SHISA9: variants seen among roughly 807,000 people sequenced by gnomAD.
SHISA9 encodes protein shisa-9.
SHISA9 carries 13 observed loss-of-function variants against 38.0 expected under a neutral mutation model. The observed-to-expected ratio is 0.34, with a 90% confidence interval of 0.22 to 0.54. The LOEUF is 0.54. Ranked by LOEUF, SHISA9 falls within the 20% of genes least tolerant of loss-of-function variation. SHISA9 has a pLI of 0.91. For synonymous variants in SHISA9, 275 were observed against 242.0 expected (o/e 1.14, Z -1.27); for missense variants, 538 against 575.8 (o/e 0.93, Z 0.67).
intron 2 of SHISA9, among the ~76,000 whole-genome samples, chr16:13,049,798 T>A (rs2073229877): frequency 6.6e-6 from 1 of 152,018 alleles, no homozygotes; most frequent in African/African-American, 2.4e-5. Context: ...TGCTTCCAGA[T>A]GATTCTCACC....
the SHISA9 span, among the ~76,000 whole-genome samples, chr16:13,263,124 T>G: frequency 5.3e-5 from 8 of 152,178 alleles, no homozygotes; most frequent in Admixed American, 3.3e-4. Flanking sequence ...TCCACCTCAC[T>G]CAGACCATCC....
the SHISA9 span, among the ~76,000 whole-genome samples, chr16:13,554,760 A>G: frequency 6.6e-6 from 1 of 152,180 alleles, no homozygotes; most frequent in Admixed American, 6.5e-5. Flanking sequence ...CCAAAGAGCC[A>G]CCGTGCCCAG....
chr16:13,356,930 G>A, the SHISA9 span, among the ~76,000 whole-genome samples: 3 of 152,172 alleles, frequency 2.0e-5, no homozygotes, highest in Non-Finnish European at 4.4e-5. Flanking sequence ...AAACGGCATT[G>A]CAGAAGAAAA....
At chr16:13,410,338 C>T in the SHISA9 span, among the ~76,000 whole-genome samples, 3 of 152,304 alleles carry the variant, frequency 2.0e-5, no homozygotes, top group African/African-American at 7.2e-5. Context: ...TTTAAATTTA[C>T]AGGCATCTTT....
chr16:13,461,521 G>A, the SHISA9 span, among the ~76,000 whole-genome samples: 5 of 151,148 alleles, frequency 3.3e-5, 1 homozygote, highest in South Asian at 1.0e-3. Context: ...AGAAGTTGTA[G>A]CGAGCCGAGA....
chr16:13,520,423 C>A, the SHISA9 span, among the ~76,000 whole-genome samples: 10 of 151,586 alleles, frequency 6.6e-5, no homozygotes, highest in Admixed American at 6.6e-5. Flanking sequence ...CATGGTGAAA[C>A]CCCATCTCTA....
rs545495549 is a variant in SHISA9, at chr16:13,235,546, A to T, written c.*137A>T. 9.1e-7 allele frequency: 1 copy of T among 1,102,028 alleles called. No individual in the cohort carries two copies. The highest frequency in any genetic ancestry group is 1.6e-5 in the African/African-American group (1 of 63,376). The allele number at this position is 1,102,028 out of a possible 1,614,324, so 68.3% of individuals were successfully genotyped here. A position where few individuals can be genotyped will look rare whatever the true frequency, so the allele number is the denominator to read the frequency against. Reference sequence around the variant, plus strand: ...CTCAACAAGAACCAACTCTAAACCTACTGGGGACACAGAGTCGCGCTTTTC... The same window carrying T: ...CTCAACAAGAACCAACTCTAAACCTTCTGGGGACACAGAGTCGCGCTTTTC... On this transcript the variant is annotated 3_prime_UTR_variant, in exon 5 of 5. Transcript: ENST00000558583.
intron 2 of SHISA9, among the ~76,000 whole-genome samples, chr16:13,009,741 G>T (rs555224190): frequency 3.0e-4 from 45 of 152,328 alleles, no homozygotes; most frequent in Admixed American, 2.4e-3. Context: ...GGGCCAAGCA[G>T]CCAAGGGGAA....
intron 2 of SHISA9, among the ~76,000 whole-genome samples, chr16:13,047,082 C>G (rs1191351545): frequency 6.6e-6 from 1 of 152,168 alleles, no homozygotes; most frequent in East Asian, 1.9e-4. Context: ...TAGCAATTTT[C>G]TAGAATGATA....
the SHISA9 span, among the ~76,000 whole-genome samples, chr16:13,377,954 AC>A: frequency 7.2e-5 from 11 of 152,248 alleles, no homozygotes; most frequent in East Asian, 1.7e-3. Context: ...AATCGCTTGA[AC>A]CTGGAAGGCG....
the SHISA9 span, among the ~76,000 whole-genome samples, chr16:13,347,926 G>A: frequency 6.6e-6 from 1 of 152,114 alleles, no homozygotes; most frequent in Non-Finnish European, 1.5e-5. Context: ...GATTGCAGAT[G>A]GAATTAAGAT....
chr16:13,255,813 A>G, the SHISA9 span, among the ~76,000 whole-genome samples: 6 of 152,236 alleles, frequency 3.9e-5, no homozygotes, highest in African/African-American at 1.4e-4. Context: ...ACTCCAGTCT[A>G]TGGGGAAGAG....
chr16:13,017,724 T>C (rs1555455002), intron 2 of SHISA9, among the ~76,000 whole-genome samples: 1 of 152,194 alleles, frequency 6.6e-6, no homozygotes, highest in Non-Finnish European at 1.5e-5. Context: ...AGTTAAGTAG[T>C]AGACTCAAGG....
At chr16:13,443,892 T>A in the SHISA9 span, among the ~76,000 whole-genome samples, 2,432 of 152,336 alleles carry the variant, frequency 0.016, 41 homozygotes, top group South Asian at 0.039. Flanking sequence ...AAACACAGTT[T>A]CCTTCTTGTA....
chr16:13,088,314 T>C (rs550205470), intron 2 of SHISA9, among the ~76,000 whole-genome samples: 5 of 152,354 alleles, frequency 3.3e-5, no homozygotes, highest in Admixed American at 6.5e-5. Context: ...GGCTCTTTTG[T>C]GGTTCCATAT....
the SHISA9 span, among the ~76,000 whole-genome samples, chr16:13,419,762 G>C: frequency 6.6e-6 from 1 of 152,104 alleles, no homozygotes; most frequent in African/African-American, 2.4e-5. Flanking sequence ...CATAAACAAG[G>C]CATAAACAAA....
At chr16:13,425,285 G>C in the SHISA9 span, among the ~76,000 whole-genome samples, 197 of 152,280 alleles carry the variant, frequency 1.3e-3, 2 homozygotes, top group African/African-American at 4.7e-3. Flanking sequence ...CTTGAGGTCT[G>C]AGACCAGCCT....
intron 2 of SHISA9, among the ~76,000 whole-genome samples, chr16:13,176,383 A>C (rs2050731759): frequency 6.6e-6 from 1 of 152,306 alleles, no homozygotes; most frequent in East Asian, 1.9e-4. Context: ...CTGATCACAC[A>C]GGTCACACCA....
the SHISA9 span, among the ~76,000 whole-genome samples, chr16:13,328,468 A>G: frequency 6.7e-6 from 1 of 150,090 alleles, no homozygotes; most frequent in Admixed American, 6.7e-5. Flanking sequence ...GCTGGAATGC[A>G]ATGGCGTGAT....
Sources: allele counts gnomAD v4.1 joint callset (sites outside exome capture counted in the v4.1 genomes callset), GRCh38; gene constraint gnomAD v4.1.1; transcripts MANE v1.5; gene names NCBI Gene and HGNC (gene_info 2026-07-23, HGNC 2026-07-21).